CYP7B1: variants seen among roughly 807,000 people sequenced by gnomAD.
CYP7B1 encodes cytochrome P450 7B1.
In CYP7B1, 29 loss-of-function variants were observed where a neutral mutation model predicts 42.7. The ratio of observed to expected loss-of-function variants is 0.68; its 90% CI spans 0.51 to 0.93. The LOEUF is 0.93. CYP7B1 is among the 40% of genes least tolerant of loss of function. CYP7B1 has a pLI of 0.00. For missense variants in CYP7B1, 655 were observed against 600.5 expected, an observed-to-expected ratio of 1.09 and a Z score of -0.95; for synonymous variants, 235 against 218.2, an observed-to-expected ratio of 1.08 and a Z score of -0.68.
intron 1 of CYP7B1, among the ~76,000 whole-genome samples, chr8:64,625,995 A>T (rs1563368281): frequency 6.6e-6 from 1 of 152,190 alleles, no homozygotes; most frequent in Non-Finnish European, 1.5e-5. Flanking sequence ...TCTTTAGGAT[A>T]TGCAAGTCAT....
At chr8:64,589,874 A>G (rs1057192971), downstream of CYP7B1, 1 of 152,212 alleles carries the variant, frequency 6.6e-6, no homozygotes, top group African/African-American at 2.4e-5. Context: ...CTTCATGATT[A>G]TATCTCTGAA....
chr8:64,728,424 A>G (rs1447066132), intron 1 of CYP7B1, among the ~76,000 whole-genome samples: 1 of 152,202 alleles, frequency 6.6e-6, no homozygotes, highest in African/African-American at 2.4e-5. Flanking sequence ...GCAGTGAGCA[A>G]AAGTGCAGAG....
chr8:64,662,531 A>G (rs1369055298), intron 1 of CYP7B1, among the ~76,000 whole-genome samples: 1 of 152,204 alleles, frequency 6.6e-6, no homozygotes, highest in Non-Finnish European at 1.5e-5. Flanking sequence ...TGCCCAAATC[A>G]TAGGCAAGTT....
chr8:64,677,710 T>TTG (rs780494563), intron 1 of CYP7B1, among the ~76,000 whole-genome samples: 2 of 147,322 alleles, frequency 1.4e-5, no homozygotes, highest in African/African-American at 5.0e-5. Context: ...TCCTTGGTTT[T>TTG]TTTTTTTTTT....
intron 1 of CYP7B1, among the ~76,000 whole-genome samples, chr8:64,633,660 G>A (rs1177791188): frequency 1.3e-5 from 2 of 152,124 alleles, no homozygotes; most frequent in African/African-American, 2.4e-5. Context: ...TATGCACATG[G>A]ATAGGAAGAG....
At chr8:64,608,277 T>C (rs1260004381) in intron 4 of CYP7B1, among the ~76,000 whole-genome samples, 1 of 152,194 alleles carries the variant, frequency 6.6e-6, no homozygotes, top group Non-Finnish European at 1.5e-5. Flanking sequence ...CTGGCTGTAA[T>C]AAAGGATGGA....
In CYP7B1 at chr8:64,616,236, A is replaced by G; in HGVS notation, c.305T>C (p.Val102Ala). 6.2e-7 allele frequency: 1 copy of G among 1,608,464 alleles called. No individual in the cohort carries two copies. The highest frequency in any genetic ancestry group is 8.5e-7 in the Non-Finnish European group (1 of 1,177,532). The change falls in exon 3 of 6, where the codon GTG (valine) becomes GCG (alanine). Residue 102 changes from valine (V) to alanine (A), a missense_variant. By Grantham distance (64) the Val-to-Ala change is moderately conservative. Coordinates refer to ENST00000310193, the MANE Select transcript of CYP7B1 (RefSeq NM_004820.5). ...FILDPFQYQL[V>A]IKNHKQLSFR... ...GCTTAATTGTTTATGATTTTTTATC[A>G]CTAGCTGGTACTGGAAGGGGTCCAG...
chr8:64,624,293 A>G (rs1448978867), intron 2 of CYP7B1, 110 bp downstream of exon 2: 1 of 1,079,536 alleles, frequency 9.3e-7, no homozygotes. Context: ...TACAAAATAA[A>G]ATAAAAATAT....
At chr8:64,797,935 C>G (rs1804730900) in intron 1 of CYP7B1, among the ~76,000 whole-genome samples, 1 of 152,166 alleles carries the variant, frequency 6.6e-6, no homozygotes, top group African/African-American at 2.4e-5. Context: ...ATAAAATACT[C>G]TCCATTAACT....
At chr8:64,671,084 T>TC (rs1303887940) in intron 1 of CYP7B1, among the ~76,000 whole-genome samples, 3 of 151,170 alleles carry the variant, frequency 2.0e-5, no homozygotes, top group Admixed American at 6.6e-5. Flanking sequence ...TGTAAATGCC[T>TC]CCCCCCCATG....
intron 5 of CYP7B1, among the ~76,000 whole-genome samples, chr8:64,604,332 C>T (rs1805244134): frequency 6.6e-6 from 1 of 152,168 alleles, no homozygotes; most frequent in Non-Finnish European, 1.5e-5. Context: ...TTCTCTAAGC[C>T]ACCTGTCAAT....
intron 3 of CYP7B1, 142 bp downstream of exon 3, chr8:64,615,549 G>T (rs2129630184): frequency 6.2e-6 from 5 of 806,230 alleles, no homozygotes; most frequent in South Asian, 1.6e-5. Context: ...ATTATAGAGG[G>T]TTATATCAGA....
chr8:64,615,544 A>T, intron 3 of CYP7B1, 147 bp downstream of exon 3: 1 of 766,482 alleles, frequency 1.3e-6, no homozygotes, highest in Non-Finnish European at 2.1e-6. Flanking sequence ...TATCAATTAT[A>T]GAGGGTTATA....
At chr8:64,784,678 T>C (rs1804492179) in intron 1 of CYP7B1, among the ~76,000 whole-genome samples, 1 of 152,190 alleles carries the variant, frequency 6.6e-6, no homozygotes, top group African/African-American at 2.4e-5. Flanking sequence ...CTCTTGCCAC[T>C]ATATGAAGCT....
At chr8:64,644,877 A>C (rs1042896498) in intron 1 of CYP7B1, among the ~76,000 whole-genome samples, 6 of 151,114 alleles carry the variant, frequency 4.0e-5, no homozygotes, top group Admixed American at 3.9e-4. Context: ...GTCATTTAGC[A>C]TTAGGTATAT....
intron 5 of CYP7B1, among the ~76,000 whole-genome samples, chr8:64,600,926 AG>A (rs1805193285): frequency 2.0e-5 from 3 of 152,182 alleles, no homozygotes; most frequent in African/African-American, 7.2e-5. Flanking sequence ...TTGTAGGGGA[AG>A]GGACCTTTTT....
chr8:64,761,925 G>A (rs1002156203), intron 1 of CYP7B1, among the ~76,000 whole-genome samples: 5 of 152,094 alleles, frequency 3.3e-5, no homozygotes, highest in African/African-American at 4.8e-5. Flanking sequence ...CAAACTGTTC[G>A]CTCCTATGCA....
At chr8:64,634,624 A>C (rs1805744362) in intron 1 of CYP7B1, among the ~76,000 whole-genome samples, 1 of 152,112 alleles carries the variant, frequency 6.6e-6, no homozygotes, top group South Asian at 2.1e-4. Flanking sequence ...GTTGGTGTTA[A>C]AAGTGAAATC....
intron 1 of CYP7B1, among the ~76,000 whole-genome samples, chr8:64,660,610 G>A (rs1171352250): frequency 6.6e-6 from 1 of 152,190 alleles, no homozygotes; most frequent in Non-Finnish European, 1.5e-5. Context: ...ATCCTACAGA[G>A]CAAGAGTGAG....
Sources: gnomAD v4.1 joint callset for allele counts (sites outside exome capture counted in the v4.1 genomes callset) on GRCh38, gnomAD v4.1.1 for gene constraint, MANE v1.5 for transcripts, NCBI Gene and HGNC (gene_info 2026-07-23, HGNC 2026-07-21) for gene names.